CSMD1: variants seen among roughly 807,000 people sequenced by gnomAD.
The protein encoded by CSMD1 is CUB and sushi domain-containing protein 1.
CSMD1 carries 213 observed loss-of-function variants against 417.5 expected under a neutral mutation model. The observed-to-expected ratio is 0.51, with a 90% CI of 0.46 to 0.57. The LOEUF is 0.57. CSMD1 is among the 20% of genes least tolerant of loss of function. CSMD1 has a pLI of 0.00. For missense variants in CSMD1, 6,923 were observed against 4,529.7 expected (o/e 1.53, Z -15.17); for synonymous variants, 2,862 against 1,736.8 (o/e 1.65, Z -16.11).
chr8:3,978,394 A>G (rs796953292), intron 5 of CSMD1, among the ~76,000 whole-genome samples: 28 of 152,194 alleles, frequency 1.8e-4, no homozygotes, highest in Admixed American at 3.3e-4. Context: ...CATAATTCAT[A>G]GATTTCTTCC....
chr8:3,394,628 G>T (rs965736308), intron 17 of CSMD1, among the ~76,000 whole-genome samples: 1 of 126 alleles, frequency 7.9e-3, no homozygotes, highest in Non-Finnish European at 0.015. Context: ...TGTAGAAAAA[G>T]TTGGGGGGAG....
intron 3 of CSMD1, among the ~76,000 whole-genome samples, chr8:4,290,342 T>G (rs753628695): frequency 6.6e-6 from 1 of 152,300 alleles, no homozygotes; most frequent in Middle Eastern, 3.4e-3. Flanking sequence ...TACACAGTAA[T>G]GCTCTATGAC....
At position 3,308,442 on chromosome 8, in the gene CSMD1, A is replaced by C. The variant is rs1333504664; in HGVS notation, c.3693T>G (p.Asp1231Glu). 6.2e-7 allele frequency: 1 copy of C among 1,613,722 alleles called. No homozygotes were observed. The highest frequency in any genetic ancestry group is 1.3e-5 in the African/African-American group (1 of 74,938). Residue 1231 changes from aspartate (D) to glutamate (E), a missense_variant, in exon 24 of 70, where the codon GAT (aspartate) becomes GAG (glutamate). Asp to Glu is a conservative substitution (Grantham distance 45). Transcript: ENST00000635120. ...CTACAGTGTCGGTAAAGTGGCCTTC[A>C]TCACGGATCCTATAGCCGTAGTTAG... ...GIPNYGYRIRDEGHFTDTVVL... is the reference protein window; with the variant it reads ...GIPNYGYRIREEGHFTDTVVL...
At chr8:4,640,587 G>T (rs4875373) in intron 1 of CSMD1, among the ~76,000 whole-genome samples, 123,905 of 152,126 alleles carry the variant, frequency 0.81, 50,970 homozygotes, top group African/African-American at 0.93. Flanking sequence ...TGTTTTCTTT[G>T]TAAACGATGT....
At chr8:3,615,104 C>T (rs1401284518) in intron 8 of CSMD1, among the ~76,000 whole-genome samples, 1 of 152,104 alleles carries the variant, frequency 6.6e-6, no homozygotes, top group East Asian at 1.9e-4. Flanking sequence ...ATACTGGAAA[C>T]CAGCATCCTT....
Position 4,815,356 on chromosome 8 carries a change from G to C in CSMD1, c.86-177798C>G, listed in dbSNP as rs753274801. ...ACATCACAGTCCCACTGTGGACAGA[G>C]CCAGCTTGTGGACACGTAGCCATGT... On this transcript the variant is annotated intron_variant, in intron 1 of 69. Transcript: ENST00000635120. Among the ~76,000 whole-genome samples the C allele has an allele frequency of 3.1e-4, 47 of 152,128 alleles. 1 individual carries two copies. The highest frequency in any genetic ancestry group is 1.8e-3 in the Admixed American group (27 of 15,280).
intron 4 of CSMD1, among the ~76,000 whole-genome samples, chr8:4,028,155 A>C (rs1216885074): frequency 6.6e-6 from 1 of 152,216 alleles, no homozygotes; most frequent in African/African-American, 2.4e-5. Context: ...AGCATTTTAG[A>C]AAAAATAATG....
rs150746306 is a variant in CSMD1 at position 4,799,149 on chromosome 8, G to T, written c.86-161591C>A. ...ATCTTGATCAACTCAATACATGAGA[G>T]ATGTGCTTACATAAAGTCACTACAT... On this transcript the variant is annotated intron_variant, in intron 1 of 69. Transcript: ENST00000635120. Among the ~76,000 whole-genome samples, 647 of 152,266 alleles carry T rather than the reference G, an allele frequency of 4.2e-3. 3 individuals are homozygous for T. Among genetic ancestry groups the T allele is most frequent in the Non-Finnish European group, 7.5e-3 (511 of 68,028 alleles).
At chr8:3,398,975 G>A (rs1039493) in intron 16 of CSMD1, among the ~76,000 whole-genome samples, 79,850 of 151,948 alleles carry the variant, frequency 0.53, 21,251 homozygotes, top group Middle Eastern at 0.61. Flanking sequence ...ATCACTAGCT[G>A]CCCTCGAGTG....
At chr8:4,844,034 C>T (rs1267916869) in intron 1 of CSMD1, among the ~76,000 whole-genome samples, 6 of 152,262 alleles carry the variant, frequency 3.9e-5, no homozygotes, top group South Asian at 4.2e-4. Context: ...CTGTAGACTA[C>T]GGTCACTGCA....
chr8:4,285,078 G>A (rs560254042), intron 3 of CSMD1, among the ~76,000 whole-genome samples: 1 of 152,292 alleles, frequency 6.6e-6, no homozygotes, highest in South Asian at 2.1e-4. Flanking sequence ...GATGCCTAGT[G>A]TGTAGGAAAG....
At chr8:4,686,875 C>T (rs969797278) in intron 1 of CSMD1, among the ~76,000 whole-genome samples, 1 of 152,148 alleles carries the variant, frequency 6.6e-6, no homozygotes, top group African/African-American at 2.4e-5. Context: ...CCTGAGCAGG[C>T]GATGGCCCAA....
At chr8:3,862,782 A>G (rs922013980) in intron 5 of CSMD1, among the ~76,000 whole-genome samples, 5 of 152,190 alleles carry the variant, frequency 3.3e-5, no homozygotes, top group Non-Finnish European at 7.3e-5. Context: ...ACACACAGAG[A>G]AGTTAACTGC....
chr8:3,092,533 C>T (rs942725140), intron 47 of CSMD1, among the ~76,000 whole-genome samples: 2 of 152,162 alleles, frequency 1.3e-5, no homozygotes, highest in Non-Finnish European at 2.9e-5. Context: ...TTTACCTGTA[C>T]ACATTGCTTC....
At chr8:4,902,436 A>G (rs1462204443) in intron 1 of CSMD1, among the ~76,000 whole-genome samples, 1 of 149,234 alleles carries the variant, frequency 6.7e-6, no homozygotes, top group African/African-American at 2.5e-5. Flanking sequence ...AAAGAGGAGA[A>G]AAAAAAAAAA....
chr8:3,970,149 T>G (rs73658513), intron 5 of CSMD1, among the ~76,000 whole-genome samples: 1 of 152,164 alleles, frequency 6.6e-6, no homozygotes, highest in African/African-American at 2.4e-5. Context: ...AATAATCATT[T>G]TATGTGACAT....
intron 5 of CSMD1, among the ~76,000 whole-genome samples, chr8:3,944,970 T>C (rs1359122535): frequency 6.6e-6 from 1 of 152,162 alleles, no homozygotes; most frequent in African/African-American, 2.4e-5. Flanking sequence ...CAAAGATATC[T>C]AATAATTATC....
intron 1 of CSMD1, among the ~76,000 whole-genome samples, chr8:4,962,187 GCTTT>G (rs1453138686): frequency 5.8e-4 from 57 of 98,370 alleles, no homozygotes; most frequent in African/African-American, 2.1e-3. Flanking sequence ...GTAAATTTCT[GCTTT>G]TTTTTTAAAA....
intron 5 of CSMD1, among the ~76,000 whole-genome samples, chr8:3,933,255 T>C (rs1810276215): frequency 6.6e-6 from 1 of 152,216 alleles, no homozygotes; most frequent in Admixed American, 6.5e-5. Context: ...GAGTACGTGT[T>C]AAATTGACTA....
Sources: allele counts gnomAD v4.1 joint callset (sites outside exome capture counted in the v4.1 genomes callset), GRCh38; gene constraint gnomAD v4.1.1; transcripts MANE v1.5; gene names NCBI Gene and HGNC (gene_info 2026-07-23, HGNC 2026-07-21).